AFF3: variants seen among roughly 807,000 people sequenced by gnomAD.
AFF3 encodes the protein AF4/FMR2 family member 3.
A neutral mutation model predicts 129.7 loss-of-function variants in AFF3; 32 were observed. The ratio of observed to expected loss-of-function variants is 0.25; its 90% CI spans 0.19 to 0.33. The LOEUF (loss-of-function observed/expected upper bound fraction) is 0.33. AFF3 is among the 10% of genes least tolerant of loss of function. The pLI is 1.00. For missense variants in AFF3, 1,373 were observed against 1,592.0 expected, an observed-to-expected ratio of 0.86 and a Z score of 2.34; for synonymous variants, 644 against 635.4, an observed-to-expected ratio of 1.01 and a Z score of -0.20.
intron 7 of AFF3, among the ~76,000 whole-genome samples, chr2:99,871,908 T>C (rs1305510601): frequency 6.6e-6 from 1 of 151,584 alleles, no homozygotes; most frequent in Non-Finnish European, 1.5e-5. Flanking sequence ...CTAAAATAAA[T>C]ATAAAAAGGG....
chr2:99,638,165 C>T (rs1193036025), intron 13 of AFF3, among the ~76,000 whole-genome samples: 5 of 151,570 alleles, frequency 3.3e-5, no homozygotes, highest in African/African-American at 4.9e-5. Context: ...CCTCCGTCTT[C>T]CAGGTTCAAG....
At chr2:100,121,905 A>G (rs1468450568) in intron 2 of AFF3, among the ~76,000 whole-genome samples, 1 of 152,014 alleles carries the variant, frequency 6.6e-6, no homozygotes, top group Admixed American at 6.5e-5. Context: ...TACTAAAAAT[A>G]CAAAAAATTA....
chr2:99,855,483 T>C (rs922139424), intron 7 of AFF3, among the ~76,000 whole-genome samples: 2 of 151,998 alleles, frequency 1.3e-5, no homozygotes, highest in South Asian at 2.1e-4. Context: ...AAAAAATACC[T>C]TGATGGAGTA....
intron 7 of AFF3, among the ~76,000 whole-genome samples, chr2:99,946,771 G>A (rs1194837135): frequency 6.6e-6 from 1 of 152,180 alleles, no homozygotes; most frequent in African/African-American, 2.4e-5. Context: ...GAGTTGTTGT[G>A]TAGGATAAGT....
chr2:99,808,754 T>C (rs1686555632), intron 8 of AFF3, among the ~76,000 whole-genome samples: 2 of 152,240 alleles, frequency 1.3e-5, no homozygotes, highest in Admixed American at 1.3e-4. Flanking sequence ...ATGTACAATG[T>C]CAGTGACTTA....
intron 4 of AFF3, among the ~76,000 whole-genome samples, chr2:100,020,813 G>C (rs1201714536): frequency 1.3e-5 from 2 of 152,142 alleles, no homozygotes; most frequent in Non-Finnish European, 2.9e-5. Context: ...CTCCTAAAAT[G>C]TATCTCCCGG....
At chr2:99,704,819 C>A (rs1446416070) in intron 11 of AFF3, among the ~76,000 whole-genome samples, 1 of 152,098 alleles carries the variant, frequency 6.6e-6, no homozygotes, top group Admixed American at 6.5e-5. Context: ...CTTACAGGAA[C>A]AAGAATATAA....
At chr2:99,968,084 C>A (rs1269567870) in intron 7 of AFF3, among the ~76,000 whole-genome samples, 1 of 152,214 alleles carries the variant, frequency 6.6e-6, no homozygotes, top group African/African-American at 2.4e-5. Flanking sequence ...ACACATCCAT[C>A]TTTGCCCTGT....
chr2:99,977,327 G>A (rs972912690), intron 7 of AFF3, among the ~76,000 whole-genome samples: 4 of 152,104 alleles, frequency 2.6e-5, no homozygotes, highest in Admixed American at 1.3e-4. Flanking sequence ...CTCTCAGCTC[G>A]CCTCCACCAC....
Position 99,577,199 on chromosome 2 carries a change from G to C in AFF3, c.2918+1128C>G, listed in dbSNP as rs139411490. Among the ~76,000 whole-genome samples, 284 of 152,310 alleles carry C rather than the reference G, an allele frequency of 1.9e-3. 1 individual carries two copies. Among genetic ancestry groups the C allele is most frequent in the Non-Finnish European group, 3.1e-3 (214 of 68,016 alleles). On this transcript the variant is annotated intron_variant, in intron 18 of 24. Transcript: ENST00000672756. ...TACAGGAGTTCATGCAATACTTGAA[G>C]ACTAAAACTTAGTATTTTAAATTTC...
At position 100,024,101 on chromosome 2, in the gene AFF3, G is replaced by A. The variant is rs529703877; in HGVS notation, c.54-15169C>T. ...CCAAAAATTAGCCGGGCGTGGTGGC[G>A]GGCGCCTGTAGTCCCAGCTACTCGG... is the stretch of plus-strand genomic sequence containing the variant. On this transcript the variant is annotated intron_variant, in intron 4 of 24. Coordinates refer to ENST00000672756, the MANE Select transcript of AFF3 (RefSeq NM_001386135.1). Among the ~76,000 whole-genome samples, 11 of 151,558 alleles carry A rather than the reference G, an allele frequency of 7.3e-5. No homozygotes were observed. In the South Asian group the frequency reaches 1.7e-3, roughly 23 times the overall value.
At chr2:99,986,182 C>G (rs564500877) in intron 7 of AFF3, among the ~76,000 whole-genome samples, 79 of 148,282 alleles carry the variant, frequency 5.3e-4, no homozygotes, top group Non-Finnish European at 9.9e-4. Context: ...GCCTGGGCGA[C>G]AGAGCGAGAC....
At chr2:99,917,163 T>A (rs1016612069) in intron 7 of AFF3, among the ~76,000 whole-genome samples, 4 of 152,184 alleles carry the variant, frequency 2.6e-5, no homozygotes, top group African/African-American at 9.6e-5. Context: ...AGGGATATGG[T>A]ACGACTCTGT....
At chr2:99,812,346 C>T (rs1277176969) in intron 8 of AFF3, among the ~76,000 whole-genome samples, 1 of 152,180 alleles carries the variant, frequency 6.6e-6, no homozygotes, top group Non-Finnish European at 1.5e-5. Flanking sequence ...CTGACGAAAC[C>T]TCTGAAGGTG....
intron 11 of AFF3, among the ~76,000 whole-genome samples, chr2:99,717,751 T>C (rs1467287467): frequency 1.3e-5 from 2 of 152,244 alleles, no homozygotes; most frequent in African/African-American, 4.8e-5. Flanking sequence ...TGTGTGGTTT[T>C]GTGACCTCTG....
chr2:100,115,041 A>T (rs1258860706), intron 2 of AFF3, among the ~76,000 whole-genome samples: 1 of 152,192 alleles, frequency 6.6e-6, no homozygotes, highest in Non-Finnish European at 1.5e-5. Flanking sequence ...ATCAAGATGA[A>T]TCTTAGGGAA....
At chr2:99,585,939 C>T (rs1678068790) in intron 16 of AFF3, among the ~76,000 whole-genome samples, 1 of 152,116 alleles carries the variant, frequency 6.6e-6, no homozygotes, top group African/African-American at 2.4e-5. Flanking sequence ...CCATATTGGC[C>T]AGGCTGGTCT....
chr2:99,554,615 C>G (rs1674746588), intron 23 of AFF3, 68 bp downstream of exon 23: 7 of 1,612,178 alleles, frequency 4.3e-6, no homozygotes, highest in Non-Finnish European at 5.9e-6. Flanking sequence ...GAACAGAAAG[C>G]AAAGCGCAGT....
At chr2:100,125,330 TCA>T (rs1405078554) in intron 2 of AFF3, among the ~76,000 whole-genome samples, 1 of 152,072 alleles carries the variant, frequency 6.6e-6, no homozygotes, top group East Asian at 1.9e-4. Context: ...TCTGTAAATA[TCA>T]TCTATTATTG....
Sources: allele counts gnomAD v4.1 joint callset (sites outside exome capture counted in the v4.1 genomes callset), GRCh38; gene constraint gnomAD v4.1.1; transcripts MANE v1.5; gene names NCBI Gene and HGNC (gene_info 2026-07-23, HGNC 2026-07-21).